Variants in RAD51B observed in about 807,000 individuals in gnomAD.
RAD51B encodes the protein DNA repair protein RAD51 homolog 2.
Under a neutral mutation model 42.2 loss-of-function variants are expected in RAD51B, and 38 were observed. That is an observed-to-expected ratio of 0.90 (90% confidence interval 0.70 to 1.18). The LOEUF is 1.18. Ranked by LOEUF, RAD51B falls within the 50% of genes most tolerant of loss-of-function variation. The probability of loss-of-function intolerance (pLI) is 0.00; values close to 1 mark genes in which losing one functional copy is unlikely to be tolerated. For synonymous variants in RAD51B, 154 were observed against 145.2 expected, an observed-to-expected ratio of 1.06 and a Z score of -0.43; for missense variants, 373 against 400.7, an observed-to-expected ratio of 0.93 and a Z score of 0.59.
intron 7 of RAD51B, chr14:68,125,311 C>T (rs1206329232): frequency 6.6e-6 from 1 of 152,230 alleles, no homozygotes; most frequent in Non-Finnish European, 1.5e-5. Context: ...ATATTCCTCT[C>T]AGATGCCAGA....
intron 8 of RAD51B, among the ~76,000 whole-genome samples, chr14:68,386,383 G>A (rs574985805): frequency 6.6e-6 from 1 of 152,306 alleles, no homozygotes; most frequent in South Asian, 2.1e-4. Context: ...AGAATATAAA[G>A]GCGTTTACAA....
At chr14:68,630,387 C>T (rs1240670600) in intron 10 of RAD51B, among the ~76,000 whole-genome samples, 1 of 152,038 alleles carries the variant, frequency 6.6e-6, no homozygotes, top group Non-Finnish European at 1.5e-5. Context: ...AGTCCCCCTG[C>T]AGCAGGTCAG....
At chr14:68,152,627 G>T (rs1486999229) in intron 7 of RAD51B, among the ~76,000 whole-genome samples, 3 of 152,024 alleles carry the variant, frequency 2.0e-5, no homozygotes, top group Non-Finnish European at 4.4e-5. Flanking sequence ...TTAGGTTCAG[G>T]GGTACATGTG....
At chr14:68,198,688 T>C (rs1049431623) in intron 7 of RAD51B, among the ~76,000 whole-genome samples, 1 of 152,214 alleles carries the variant, frequency 6.6e-6, no homozygotes, top group African/African-American at 2.4e-5. Flanking sequence ...TTTTGGCTGA[T>C]ATATTAAGTC....
At chr14:67,979,384 A>G (rs891024124) in intron 7 of RAD51B, among the ~76,000 whole-genome samples, 1 of 152,156 alleles carries the variant, frequency 6.6e-6, no homozygotes, top group African/African-American at 2.4e-5. Flanking sequence ...AGTTTTCAAG[A>G]CATTTAAACT....
intron 4 of RAD51B, among the ~76,000 whole-genome samples, chr14:67,850,042 C>T (rs1201620400): frequency 6.6e-6 from 1 of 152,182 alleles, no homozygotes; most frequent in African/African-American, 2.4e-5. Context: ...CTCTTTTGCA[C>T]AGGCTGAAGT....
chr14:67,948,825 G>A (rs2074384241), intron 7 of RAD51B, among the ~76,000 whole-genome samples: 1 of 150,862 alleles, frequency 6.6e-6, no homozygotes, highest in Non-Finnish European at 1.5e-5. Flanking sequence ...CCATCTACTT[G>A]GGAGGCTGAG....
At chr14:68,490,160 T>C (rs996638420) in intron 10 of RAD51B, among the ~76,000 whole-genome samples, 15 of 152,276 alleles carry the variant, frequency 9.9e-5, no homozygotes, top group African/African-American at 3.6e-4. Flanking sequence ...GAGAATACAT[T>C]GTTAGCACCT....
At chr14:67,822,273 A>G (rs1051530280) in intron 1 of RAD51B, 31 of 152,190 alleles carry the variant, frequency 2.0e-4, no homozygotes, top group Non-Finnish European at 1.3e-4. Context: ...ACTCACAGTA[A>G]TTCTTTTTTA....
Position 68,674,436 on chromosome 14 carries a change from T to C in RAD51B, c.*11+23580T>C, listed in dbSNP as rs202132245. Among the ~76,000 whole-genome samples the C allele has an allele frequency of 2.6e-5, 4 of 152,210 alleles. No homozygotes were observed. The East Asian group carries it at 7.7e-4, about 29-fold the overall frequency. ...ATCATACATATTATATGTTACATTATGTATCGTATAATATATAAATGAGGA... is the reference window on the plus strand; with the variant it reads ...ATCATACATATTATATGTTACATTACGTATCGTATAATATATAAATGAGGA... On this transcript the variant is annotated intron_variant, in intron 11 of 11. Transcript: ENST00000488612.
intron 10 of RAD51B, among the ~76,000 whole-genome samples, chr14:68,592,113 G>A (rs2257000): frequency 0.039 from 5,994 of 152,132 alleles, 425 homozygotes; most frequent in African/African-American, 0.14. Flanking sequence ...AGTATTAGGA[G>A]GGGGGGAATT....
chr14:68,123,153 G>A (rs1409398040), intron 7 of RAD51B, among the ~76,000 whole-genome samples: 5 of 149,932 alleles, frequency 3.3e-5, no homozygotes, highest in East Asian at 2.0e-4. Context: ...CCATATAAAT[G>A]TCAGGAATGA....
chr14:68,382,906 T>G (rs1048843697), intron 8 of RAD51B, among the ~76,000 whole-genome samples: 1 of 152,242 alleles, frequency 6.6e-6, no homozygotes. Context: ...ATGGCTTTTT[T>G]TTGGCCTGGG....
intron 10 of RAD51B, among the ~76,000 whole-genome samples, chr14:68,557,355 A>G (rs1003375155): frequency 6.6e-6 from 1 of 152,226 alleles, no homozygotes; most frequent in Non-Finnish European, 1.5e-5. Flanking sequence ...CATCTAACAC[A>G]AAGCCTACTT....
At chr14:68,322,804 T>C (rs905088678) in intron 8 of RAD51B, among the ~76,000 whole-genome samples, 4 of 152,006 alleles carry the variant, frequency 2.6e-5, no homozygotes, top group African/African-American at 9.7e-5. Flanking sequence ...TAGGGGAATG[T>C]TGGGGAGTCT....
intron 7 of RAD51B, among the ~76,000 whole-genome samples, chr14:68,007,722 T>C (rs755304090): frequency 2.2e-4 from 33 of 152,092 alleles, no homozygotes; most frequent in Non-Finnish European, 4.3e-4. Flanking sequence ...CTTTTTATTG[T>C]TGAGTTGTAA....
At chr14:67,831,481 CTTCT>C (rs2041043506) in intron 3 of RAD51B, among the ~76,000 whole-genome samples, 2 of 152,308 alleles carry the variant, frequency 1.3e-5, no homozygotes, top group East Asian at 3.9e-4. Context: ...TCACAAAACT[CTTCT>C]TTGTCTCATT....
chr14:68,245,568 G>A (rs927908762), intron 7 of RAD51B, among the ~76,000 whole-genome samples: 1 of 152,178 alleles, frequency 6.6e-6, no homozygotes, highest in Non-Finnish European at 1.5e-5. Context: ...CTCTTTTCCT[G>A]TTGCTTATCT....
At chr14:68,435,326 G>A (rs1406377674) in intron 9 of RAD51B, among the ~76,000 whole-genome samples, 1 of 152,096 alleles carries the variant, frequency 6.6e-6, no homozygotes, top group African/African-American at 2.4e-5. Context: ...ATGGCCTCCA[G>A]CTGCATCCAT....
Sources: allele counts gnomAD v4.1 joint callset (sites outside exome capture counted in the v4.1 genomes callset), GRCh38; gene constraint gnomAD v4.1.1; transcripts MANE v1.5; gene names NCBI Gene and HGNC (gene_info 2026-07-23, HGNC 2026-07-21).